USF3: variants seen among roughly 807,000 people sequenced by gnomAD.
USF3 encodes the protein upstream transcription factor family member 3.
In USF3, 29 loss-of-function variants were observed where a neutral mutation model predicts 157.5. The observed-to-expected ratio is 0.18, with a 90% CI of 0.14 to 0.25. The LOEUF (loss-of-function observed/expected upper bound fraction) is 0.25. Ranked by LOEUF, USF3 falls within the 10% of genes least tolerant of loss-of-function variation. The probability of loss-of-function intolerance (pLI) is 1.00; values close to 1 mark genes in which losing one functional copy is unlikely to be tolerated. For missense variants in USF3, 2,381 were observed against 2,667.6 expected (o/e 0.89, Z 2.37); for synonymous variants, 893 against 941.4 (o/e 0.95, Z 0.94).
chr3:113,676,972 A>G (rs1238490799), intron 2 of USF3, among the ~76,000 whole-genome samples: 1 of 152,228 alleles, frequency 6.6e-6, no homozygotes, highest in African/African-American at 2.4e-5. Flanking sequence ...GATTTAATAA[A>G]TGTTAGCTTT....
At position 113,660,009 on chromosome 3, in the gene USF3, G is replaced by A. The variant is rs768395317; in HGVS notation, c.1673C>T (p.Pro558Leu). The stretch of plus-strand genomic sequence containing the variant: ...CACTGTTGGGCATGGGGTGGTGCTA[G>A]GTGGCTGAAGAATTATAACATTTTG... ...TNQNVIILQP[P>L]STTPCPTVMR... The change falls in exon 7 of 7, where the codon CCT (proline) becomes CTT (leucine). Residue 558 changes from proline to leucine, a missense_variant. Coordinates refer to ENST00000316407, the MANE Select transcript of USF3 (RefSeq NM_001009899.4). The A allele has an allele frequency of 6.2e-7, 1 of 1,614,190 alleles. No homozygotes were observed. Among genetic ancestry groups the A allele is most frequent in the Non-Finnish European group, 8.5e-7 (1 of 1,180,024 alleles).
intron 1 of USF3, among the ~76,000 whole-genome samples, chr3:113,691,394 A>C (rs1250226836): frequency 1.3e-5 from 2 of 152,132 alleles, no homozygotes; most frequent in African/African-American, 4.8e-5. Flanking sequence ...TTTATTCCTA[A>C]AACTGCTTAA....
At chr3:113,665,696 C>T (rs1312423142) in intron 5 of USF3, among the ~76,000 whole-genome samples, 10 of 151,988 alleles carry the variant, frequency 6.6e-5, no homozygotes, top group African/African-American at 9.7e-5. Flanking sequence ...GGCATGGTGG[C>T]GCACACCTGT....
intron 6 of USF3, among the ~76,000 whole-genome samples, chr3:113,662,222 A>G (rs1947497931): frequency 6.6e-6 from 1 of 152,264 alleles, no homozygotes; most frequent in Non-Finnish European, 1.5e-5. Context: ...AATAGAACAC[A>G]TAAGAAGCAA....
intron 1 of USF3, among the ~76,000 whole-genome samples, chr3:113,685,630 T>C (rs1707530702): frequency 6.6e-6 from 1 of 151,960 alleles, no homozygotes; most frequent in Non-Finnish European, 1.5e-5. Flanking sequence ...CCACCACAGA[T>C]GAGAATTGTG....
In USF3 at chr3:113,689,033, A is replaced by AC. The variant is rs1368032980; in HGVS notation, c.-135+7336_-135+7337insG. 1.6e-3 allele frequency among the ~76,000 whole-genome samples: 194 copies of AC among 119,880 alleles called. 1 individual carries two copies. Among genetic ancestry groups the AC allele is most frequent in the Non-Finnish European group, 2.3e-3 (132 of 57,386 alleles). The allele number at this position is 119,880 out of a possible 152,430, so 78.6% of individuals were successfully genotyped here. ...GCAACAGAGGGAGACTCCATCTCAA[A>AC]AAAACAAACAAACAAACAAACAAAC... On this transcript the variant is annotated intron_variant, in intron 1 of 6. Coordinates refer to ENST00000316407, the MANE Select transcript of USF3 (RefSeq NM_001009899.4).
Position 113,658,090 on chromosome 3 carries a change from A to C in USF3, c.3592T>G (p.Ser1198Ala). The part of the protein sequence containing the change: ...QAEATPNEFN[S>A]QGSIEATMER... ...ATAGTTGCTTCAATTGAACCCTGAGAATTAAATTCATTTGGTGTTGCTTCT... is the reference window on the plus strand; with the variant it reads ...ATAGTTGCTTCAATTGAACCCTGAGCATTAAATTCATTTGGTGTTGCTTCT... The change falls in exon 7 of 7, where the codon TCT becomes GCT. Residue 1198 changes from serine to alanine, a missense_variant. By Grantham distance (99) the Ser-to-Ala change is moderately conservative (BLOSUM62 1). Coordinates refer to ENST00000316407, the MANE Select transcript of USF3 (RefSeq NM_001009899.4). The C allele has an allele frequency of 1.2e-6, 2 of 1,614,082 alleles. No homozygotes were observed. The highest frequency in any genetic ancestry group is 1.3e-5 in the African/African-American group (1 of 75,002).
Position 113,660,982 on chromosome 3 carries a change from GAGCAGAA to G in USF3, c.693_699del (p.Ser232ArgfsTer23). ...GAGGTGGGAAGCTCGAGAATACTCT[GAGCAGAA>G]ATGGCAGCAGGAAGACAAAGAGGAA... On this transcript the variant is annotated frameshift_variant, in exon 7 of 7. Transcript: ENST00000316407. LOFTEE classifies it high-confidence loss of function. The G allele has an allele frequency of 6.2e-7, 1 of 1,614,138 alleles. No homozygotes were observed. The highest frequency in any genetic ancestry group is 8.5e-7 in the Non-Finnish European group (1 of 1,180,030).
Position 113,655,169 on chromosome 3 carries a change from A to G in USF3, c.6513T>C (p.Leu2171=). 6.2e-7 allele frequency: 1 copy of G among 1,614,196 alleles called. No homozygotes were observed. Among genetic ancestry groups the G allele is most frequent in the Non-Finnish European group, 8.5e-7 (1 of 1,180,034 alleles). The change falls in exon 7 of 7, where the codon CTT becomes CTC. Residue 2171 remains leucine (L), a synonymous_variant. Coordinates refer to ENST00000316407, the MANE Select transcript of USF3 (RefSeq NM_001009899.4). The part of the protein sequence containing the change: ...PVGFAQPSFP[L]LPDMPPMHMT... ...TGTGCATTGGTGGCATATCTGGGAG[A>G]AGAGGAAAACTTGGTTGAGCAAACC... is the stretch of plus-strand genomic sequence containing the variant.
rs1457781303 is a variant in USF3 at position 113,652,188 on chromosome 3, G to A, written c.*2756C>T. 6.6e-6 allele frequency: 1 copy of A among 151,980 alleles called. No individual in the cohort carries two copies. Among genetic ancestry groups the A allele is most frequent in the East Asian group, 1.9e-4 (1 of 5,174 alleles). The allele number at this position is 151,980 out of a possible 1,614,324, so 9.4% of individuals were successfully genotyped here. A position where few individuals can be genotyped will look rare whatever the true frequency, so the allele number is the denominator to read the frequency against. Reference sequence around the variant, plus strand: ...CAGAGGCAGTGAGAGACAGACAGATGAGAGAGGGAGAGAGGGAAATGAATA... The same window carrying A: ...CAGAGGCAGTGAGAGACAGACAGATAAGAGAGGGAGAGAGGGAAATGAATA... On this transcript the variant is annotated 3_prime_UTR_variant, in exon 7 of 7. Coordinates refer to ENST00000316407, the MANE Select transcript of USF3 (RefSeq NM_001009899.4).
rs369850456 is a variant in USF3 at position 113,656,136 on chromosome 3, C to A, written c.5546G>T (p.Gly1849Val). Residue 1849 changes from glycine (G) to valine (V), a missense_variant, in exon 7 of 7, where the codon GGT (glycine) becomes GTT (valine). By Grantham distance (109) the Gly-to-Val change is moderately radical. Transcript: ENST00000316407. The stretch of plus-strand genomic sequence containing the variant: ...ATTATATTCAATTGCAGAGGATGGA[C>A]CACACTGTGTATTCCTCTGATGTTC... Reference protein sequence around the residue: ...LSEHQRNTQCGPSSAIEYNCP... With the variant: ...LSEHQRNTQCVPSSAIEYNCP... The A allele has an allele frequency of 3.4e-5, 55 of 1,614,036 alleles. No individual in the cohort carries two copies. The highest frequency in any genetic ancestry group is 4.6e-5 in the Non-Finnish European group (54 of 1,180,038).
At chr3:113,672,404 G>A (rs1465732433) in intron 4 of USF3, among the ~76,000 whole-genome samples, 1 of 151,922 alleles carries the variant, frequency 6.6e-6, no homozygotes, top group Admixed American at 6.6e-5. Flanking sequence ...GGGATTACAG[G>A]CATGAACCAC....
intron 1 of USF3, among the ~76,000 whole-genome samples, chr3:113,677,785 T>C (rs1002796306): frequency 1.3e-5 from 2 of 152,178 alleles, no homozygotes; most frequent in Non-Finnish European, 2.9e-5. Context: ...TCCTACCTCC[T>C]ACTTCTCTCT....
chr3:113,649,471 C>G lies in USF3; in HGVS notation c.*5473G>C, dbSNP rs1947222743. ...GTTGAATGACCACCACATACAAGCT[C>G]TGAGTTTAACAGGAGTTTTGCTACT... On this transcript the variant is annotated 3_prime_UTR_variant, in exon 7 of 7. Coordinates refer to ENST00000316407, the MANE Select transcript of USF3 (RefSeq NM_001009899.4). The G allele has an allele frequency of 5.0e-6, 1 of 198,960 alleles. No homozygotes were observed. Among genetic ancestry groups the G allele is most frequent in the Non-Finnish European group, 1.0e-5 (1 of 99,200 alleles). 12.3% of individuals were successfully genotyped at this position (198,960 alleles called of 1,614,324 possible).
chr3:113,654,246 T>C lies in USF3; in HGVS notation c.*698A>G, dbSNP rs775685013. The C allele has an allele frequency of 6.5e-5, 10 of 152,686 alleles. No homozygotes were observed. The highest frequency in any genetic ancestry group is 1.3e-4 in the Non-Finnish European group (9 of 68,046). 9.5% of individuals were successfully genotyped at this position (152,686 alleles called of 1,614,324 possible). A position where few individuals can be genotyped will look rare whatever the true frequency, so the allele number is the denominator to read the frequency against. On this transcript the variant is annotated 3_prime_UTR_variant, in exon 7 of 7. Transcript: ENST00000316407. ...TTAGCTTTCTATATTTACGGCTAAA[T>C]AATTGTCTAAGGAAGACCTTTGCTT...
intron 1 of USF3, among the ~76,000 whole-genome samples, chr3:113,683,535 C>T (rs1349995734): frequency 8.0e-6 from 1 of 124,652 alleles, no homozygotes; most frequent in African/African-American, 3.1e-5. Context: ...GTGGTGCAAT[C>T]TCAGCTCACT....
chr3:113,683,328 T>C (rs1707477426), intron 1 of USF3, among the ~76,000 whole-genome samples: 1 of 151,460 alleles, frequency 6.6e-6, no homozygotes, highest in East Asian at 1.9e-4. Context: ...AAAACTATTA[T>C]CTAGTTTTTA....
rs2107909742 is a variant in USF3 at position 113,652,104 on chromosome 3, AGAGAGTGT to A, written c.*2832_*2839del. 7.8e-6 allele frequency: 1 copy of A among 127,792 alleles called. No homozygotes were observed. The highest frequency in any genetic ancestry group is 1.7e-5 in the Non-Finnish European group (1 of 58,152). 7.9% of individuals were successfully genotyped at this position (127,792 alleles called of 1,614,324 possible). ...CCACTGGAGAGAGAGAGAGAGAGAG[AGAGAGTGT>A]GTGTGTGTGTGTGTGTGTGTGTGTG... On this transcript the variant is annotated 3_prime_UTR_variant, in exon 7 of 7. Transcript: ENST00000316407.
At chr3:113,678,617 A>G (rs182307633) in intron 1 of USF3, among the ~76,000 whole-genome samples, 86 of 152,346 alleles carry the variant, frequency 5.6e-4, no homozygotes, top group Admixed American at 3.2e-3. Context: ...GAAAGGAACT[A>G]TACAATATTT....
Sources: gnomAD v4.1 joint callset for allele counts (sites outside exome capture counted in the v4.1 genomes callset) on GRCh38, gnomAD v4.1.1 for gene constraint, MANE v1.5 for transcripts, NCBI Gene and HGNC (gene_info 2026-07-23, HGNC 2026-07-21) for gene names.